The following POLD3 variants were observed in gnomAD, a reference collection of about 807,000 sequenced individuals.
POLD3 encodes the protein DNA polymerase delta 3, accessory subunit.
POLD3 carries 19 observed loss-of-function variants against 58.2 expected under a neutral mutation model. The ratio of observed to expected loss-of-function variants is 0.33; its 90% confidence interval spans 0.23 to 0.48. The LOEUF is 0.48. POLD3 is among the 20% of genes least tolerant of loss of function. The pLI is 0.99. For synonymous variants in POLD3, 172 were observed against 193.5 expected (o/e 0.89, Z 0.92); for missense variants, 504 against 545.5 (o/e 0.92, Z 0.76).
At chr11:74,651,789 G>A (rs933000381) in intron 4 of POLD3, among the ~76,000 whole-genome samples, 12 of 152,226 alleles carry the variant, frequency 7.9e-5, no homozygotes, top group African/African-American at 2.9e-4. Flanking sequence ...GCTAGAGAGG[G>A]AGGCTGGGCC....
intron 9 of POLD3, among the ~76,000 whole-genome samples, chr11:74,630,597 C>A (rs184355996): frequency 2.9e-4 from 44 of 152,258 alleles, no homozygotes; most frequent in African/African-American, 1.0e-3. Flanking sequence ...GCTGTATTTT[C>A]ATTCCATTGT....
At chr11:74,632,875 A>ATTACACAC (rs1157307914) in intron 9 of POLD3, among the ~76,000 whole-genome samples, 47 of 59,244 alleles carry the variant, frequency 7.9e-4, no homozygotes, top group African/African-American at 3.1e-3. Context: ...TATTTAAGTA[A>ATTACACAC]ATACACACAC....
intron 3 of POLD3, among the ~76,000 whole-genome samples, chr11:74,605,222 A>C (rs2031634752): frequency 6.6e-6 from 1 of 152,196 alleles, no homozygotes; most frequent in African/African-American, 2.4e-5. Flanking sequence ...CCTGAAGGGT[A>C]AGAGTTTTTG....
chr11:74,659,314 A>G (rs960358159), intron 4 of POLD3, among the ~76,000 whole-genome samples: 1 of 152,218 alleles, frequency 6.6e-6, no homozygotes, highest in East Asian at 1.9e-4. Flanking sequence ...TGACCTATGA[A>G]ACCACTTTTT....
intron 5 of POLD3, among the ~76,000 whole-genome samples, chr11:74,614,603 A>G (rs4584608): frequency 0.85 from 128,871 of 151,938 alleles, 55,188 homozygotes; most frequent in African/African-American, 0.96. Flanking sequence ...CCAGCTGCTC[A>G]GGAGGCTGAA....
chr11:74,623,838 A>G (rs569509042), intron 7 of POLD3, among the ~76,000 whole-genome samples: 1 of 152,334 alleles, frequency 6.6e-6, no homozygotes, highest in South Asian at 2.1e-4. Context: ...TTGCCTTACA[A>G]TGTTGCATTA....
At chr11:74,668,790 G>A in exon 5 of POLD3, 1 of 1,288,424 alleles carries the variant, frequency 7.8e-7, no homozygotes, top group Non-Finnish European at 1.0e-6. Flanking sequence ...TGCTGGACAT[G>A]CAGTCCCACT....
intron 7 of POLD3, among the ~76,000 whole-genome samples, chr11:74,620,840 T>C (rs963542113): frequency 6.6e-6 from 1 of 152,154 alleles, no homozygotes; most frequent in Admixed American, 6.5e-5. Flanking sequence ...AGGCATTTTG[T>C]TACATGCCTA....
At chr11:74,612,503 A>G (rs534518892) in intron 4 of POLD3, among the ~76,000 whole-genome samples, 8 of 152,362 alleles carry the variant, frequency 5.3e-5, no homozygotes, top group Non-Finnish European at 1.0e-4. Context: ...ATTGAAATAT[A>G]TAAATGAATA....
chr11:74,649,871 T>TAC (rs1554980300), intron 4 of POLD3, among the ~76,000 whole-genome samples: 2 of 152,094 alleles, frequency 1.3e-5, no homozygotes, highest in African/African-American at 4.8e-5. Context: ...GAGAGATACT[T>TAC]ACATTTTGGA....
intron 11 of POLD3, among the ~76,000 whole-genome samples, chr11:74,637,267 C>CT (rs1554978814): frequency 6.6e-6 from 1 of 152,100 alleles, no homozygotes; most frequent in Admixed American, 6.5e-5. Context: ...CCCTGTCCCA[C>CT]TATTCCCCAC....
chr11:74,617,228 A>C (rs761036019), intron 5 of POLD3, among the ~76,000 whole-genome samples: 1 of 152,170 alleles, frequency 6.6e-6, no homozygotes, highest in Non-Finnish European at 1.5e-5. Flanking sequence ...GATTAGAGAG[A>C]GATGTATGTT....
chr11:74,600,137 G>A (rs1657090143), intron 2 of POLD3, among the ~76,000 whole-genome samples: 1 of 151,620 alleles, frequency 6.6e-6, no homozygotes, highest in African/African-American at 2.4e-5. Flanking sequence ...AGTAGAGATG[G>A]GGTTTCACCA....
intron 11 of POLD3, among the ~76,000 whole-genome samples, chr11:74,638,323 C>T (rs942706440): frequency 2.6e-5 from 4 of 151,428 alleles, no homozygotes; most frequent in Admixed American, 2.6e-4. Flanking sequence ...GTTGGTGCTG[C>T]CCTGACTGTT....
chr11:74,638,340 C>G (rs1489440571), intron 11 of POLD3, among the ~76,000 whole-genome samples: 1 of 152,082 alleles, frequency 6.6e-6, no homozygotes, highest in Non-Finnish European at 1.5e-5. Context: ...TGTTTTTTAA[C>G]TCCCCTGAGC....
chr11:74,644,616 GAAACTT>G (rs2032977625), downstream of POLD3, among the ~76,000 whole-genome samples: 1 of 152,220 alleles, frequency 6.6e-6, no homozygotes, highest in Non-Finnish European at 1.5e-5. Flanking sequence ...TTTAGCCAGA[GAAACTT>G]GGTAAGGCTT....
intron 5 of POLD3, among the ~76,000 whole-genome samples, chr11:74,613,868 G>A (rs1161323533): frequency 1.3e-5 from 2 of 152,184 alleles, no homozygotes; most frequent in African/African-American, 4.8e-5. Flanking sequence ...GGAAGATGTT[G>A]GCAGGGGCAC....
At chr11:74,609,660 C>T (rs1391075410) in intron 3 of POLD3, among the ~76,000 whole-genome samples, 2 of 151,746 alleles carry the variant, frequency 1.3e-5, no homozygotes, top group African/African-American at 2.4e-5. Context: ...AGATTACAGG[C>T]GTGAGCCACT....
intron 3 of POLD3, among the ~76,000 whole-genome samples, chr11:74,607,005 A>G (rs547534246): frequency 6.6e-6 from 1 of 152,080 alleles, no homozygotes; most frequent in Non-Finnish European, 1.5e-5. Context: ...TGCCCTCCCA[A>G]TAGCCTCACT....
Sources: gnomAD v4.1 joint callset for allele counts (sites outside exome capture counted in the v4.1 genomes callset) on GRCh38, gnomAD v4.1.1 for gene constraint, MANE v1.5 for transcripts, NCBI Gene and HGNC (gene_info 2026-07-23, HGNC 2026-07-21) for gene names.